SHC2: variants seen among roughly 807,000 people sequenced by gnomAD.
SHC2 encodes SHC-transforming protein 2.
SHC2 carries 62 observed loss-of-function variants against 60.6 expected under a neutral mutation model. The observed-to-expected ratio is 1.02, with a 90% CI of 0.83 to 1.26. The LOEUF (loss-of-function observed/expected upper bound fraction) is 1.26, where lower values mean the gene tolerates loss of function less well. Among genes scored for constraint, SHC2 ranks in the 50% most tolerant of loss-of-function variants. The pLI, the probability that SHC2 is intolerant of heterozygous loss-of-function variation, is 0.00. For missense variants in SHC2, 873 were observed against 822.2 expected (o/e 1.06, Z -0.76); for synonymous variants, 375 against 372.4 (o/e 1.01, Z -0.08).
chr19:418,417 T>C (rs1368817058), intron 12 of SHC2, among the ~76,000 whole-genome samples: 6 of 152,208 alleles, frequency 3.9e-5, no homozygotes, highest in Non-Finnish European at 8.8e-5. Context: ...ACACACAACC[T>C]GCACACAAAG....
intron 1 of SHC2, among the ~76,000 whole-genome samples, chr19:452,101 A>G (rs574689386): frequency 6.6e-6 from 1 of 152,202 alleles, no homozygotes; most frequent in Non-Finnish European, 1.5e-5. Flanking sequence ...GCTGAAACAT[A>G]TTTTGAGTTA....
intron 11 of SHC2, among the ~76,000 whole-genome samples, chr19:421,625 G>A (rs140161760): frequency 3.3e-5 from 5 of 152,152 alleles, no homozygotes; most frequent in Non-Finnish European, 7.4e-5. Flanking sequence ...ATGATAAATG[G>A]GGGGGGAGAG....
In SHC2 at chr19:440,128, C is replaced by T. The variant is rs573968535; in HGVS notation, c.539+734G>A. 4.0e-3 allele frequency among the ~76,000 whole-genome samples: 613 copies of T among 151,548 alleles called. 5 individuals carry two copies. The highest frequency in any genetic ancestry group is 0.012 in the African/African-American group (512 of 41,286). ...GAGAGACGCCAGACACACGAGGCCA[C>T]GCAGCGTGTGATCCCATTGCTATGA... On this transcript the variant is annotated intron_variant, in intron 2 of 12. Coordinates refer to ENST00000264554, the MANE Select transcript of SHC2 (RefSeq NM_012435.3). The surrounding 1 kb of genome is among the most constrained non-coding windows in gnomAD (Gnocchi z 7.0).
chr19:459,811 G>C (rs1391557850), intron 1 of SHC2, among the ~76,000 whole-genome samples: 1 of 152,210 alleles, frequency 6.6e-6, no homozygotes, highest in African/African-American at 2.4e-5. Flanking sequence ...ACGCCGTAAT[G>C]ACTGCAGCTG....
At chr19:431,090 G>A (rs967430333) in intron 8 of SHC2, among the ~76,000 whole-genome samples, 1 of 147,650 alleles carries the variant, frequency 6.8e-6, no homozygotes, top group Non-Finnish European at 1.5e-5. Context: ...CGCTTCCTCA[G>A]GGAAGGCCTC....
At chr19:458,536 T>A (rs1386837437) in intron 1 of SHC2, among the ~76,000 whole-genome samples, 781 of 22,672 alleles carry the variant, frequency 0.034, no homozygotes, top group Middle Eastern at 0.15. Context: ...GGGAGGCGGA[T>A]TCGGGTTCCG....
At chr19:427,186 A>G (rs1974437047) in intron 9 of SHC2, among the ~76,000 whole-genome samples, 1 of 152,144 alleles carries the variant, frequency 6.6e-6, no homozygotes, top group Non-Finnish European at 1.5e-5. Flanking sequence ...GTTTGGGAAG[A>G]TCTAAAAAAA....
intron 1 of SHC2, among the ~76,000 whole-genome samples, chr19:447,290 G>C (rs2145741700): frequency 6.6e-6 from 1 of 151,768 alleles, no homozygotes; most frequent in East Asian, 2.0e-4. Context: ...GGACGCGTGG[G>C]CGCCGGGGAT....
In SHC2 at chr19:457,279, CACATCAG is replaced by C. The variant is rs1273644793; in HGVS notation, c.468+3243_468+3249del. ...CTAGAACTCTGTCTGCAAACCCCAC[CACATCAG>C]GCCTTTGCACCTGCACCTGCTGTAC... On this transcript the variant is annotated intron_variant, in intron 1 of 12. Transcript: ENST00000264554. Among the ~76,000 whole-genome samples the C allele has an allele frequency of 8.1e-4, 119 of 147,228 alleles. 3 individuals are homozygous for C. The highest frequency in any genetic ancestry group is 2.8e-3 in the African/African-American group (109 of 38,888).
At position 446,254 on chromosome 19, in the gene SHC2, G is replaced by A. The variant is rs958555151; in HGVS notation, c.469-5322C>T. 6.6e-6 allele frequency among the ~76,000 whole-genome samples: 1 copy of A among 152,102 alleles called. No homozygotes were observed. Among genetic ancestry groups the A allele is most frequent in the Admixed American group, 6.6e-5 (1 of 15,244 alleles). ...ACCTTGGCTCGGACGTTGGGCCCCA[G>A]AACTGTGACAGAACAAGTCTATGTT... On this transcript the variant is annotated intron_variant, in intron 1 of 12. Coordinates refer to ENST00000264554, the MANE Select transcript of SHC2 (RefSeq NM_012435.3). This position sits in a 1 kb window ranked among gnomAD's most constrained non-coding sequence, Gnocchi z 5.4.
intron 10 of SHC2, among the ~76,000 whole-genome samples, chr19:423,560 C>G (rs1267546007): frequency 5.3e-5 from 3 of 56,484 alleles, no homozygotes; most frequent in African/African-American, 2.6e-4. Flanking sequence ...GTCCTCCCCC[C>G]CTGACCCTCA....
At chr19:456,190 C>G (rs374749459) in intron 1 of SHC2, among the ~76,000 whole-genome samples, 2 of 152,310 alleles carry the variant, frequency 1.3e-5, no homozygotes, top group South Asian at 4.1e-4. Context: ...GGCCGCAGCC[C>G]CCGGGTGATG....
chr19:419,207 G>A, intron 11 of SHC2, 151 bp from the exon 12 acceptor site: 1 of 911,126 alleles, frequency 1.1e-6, no homozygotes, highest in Non-Finnish European at 1.6e-6. Context: ...CCAGCCAAAG[G>A]ATCGGCCTCA....
chr19:427,754 G>A (rs1383654384), intron 9 of SHC2, among the ~76,000 whole-genome samples: 1 of 83,990 alleles, frequency 1.2e-5, no homozygotes, highest in Non-Finnish European at 2.3e-5. Context: ...ACGGCGCAGG[G>A]AAGGGGAATT....
chr19:460,227 T>TCGCCGCTCTCGGCCTCGCC (rs1884144311), intron 1 of SHC2, among the ~76,000 whole-genome samples: 6 of 151,912 alleles, frequency 3.9e-5, no homozygotes, highest in Admixed American at 3.9e-4. Flanking sequence ...CCCCGGCCGC[T>TCGCCGCTCTCGGCCTCGCC]CGCCGCTCTC....
intron 2 of SHC2, 73 bp from the exon 3 acceptor site, chr19:439,103 A>G (rs575040369): frequency 3.3e-6 from 1 of 301,036 alleles, no homozygotes; most frequent in African/African-American, 3.1e-5. Context: ...GGAAGGGGTC[A>G]GAGAGGGCGG....
intron 1 of SHC2, among the ~76,000 whole-genome samples, chr19:451,297 G>A (rs982439901): frequency 9.5e-5 from 14 of 147,074 alleles, no homozygotes; most frequent in East Asian, 4.1e-4. Flanking sequence ...GGATGGCCAC[G>A]CTGTGGCCAC....
At position 440,233 on chromosome 19, in the gene SHC2, T is replaced by A. The variant is rs1421320312; in HGVS notation, c.539+629A>T. Among the ~76,000 whole-genome samples the A allele has an allele frequency of 6.6e-6, 1 of 150,688 alleles. No homozygotes were observed. The highest frequency in any genetic ancestry group is 1.5e-5 in the Non-Finnish European group (1 of 67,652). On this transcript the variant is annotated intron_variant, in intron 2 of 12. Coordinates refer to ENST00000264554, the MANE Select transcript of SHC2 (RefSeq NM_012435.3). This position sits in a 1 kb window ranked among gnomAD's most constrained non-coding sequence, Gnocchi z 7.0. ...GGCTGGGGAGGGGACGGGGAGTGGC[T>A]GTGATGGGGACGGGGTGTTTTGATG...
chr19:449,992 C>T (rs1182830987), intron 1 of SHC2, among the ~76,000 whole-genome samples: 4 of 152,222 alleles, frequency 2.6e-5, no homozygotes, highest in South Asian at 2.1e-4. Context: ...CCCTGCGCCA[C>T]GCTGACCAGT....
Sources: allele counts gnomAD v4.1 joint callset (sites outside exome capture counted in the v4.1 genomes callset), GRCh38; gene constraint gnomAD v4.1.1; non-coding constraint Gnocchi (gnomAD v3.1); transcripts MANE v1.5; gene names NCBI Gene and HGNC (gene_info 2026-07-23, HGNC 2026-07-21).